PRKAR1B: variants seen among roughly 807,000 people sequenced by gnomAD.
PRKAR1B encodes the protein protein kinase cAMP-dependent type I regulatory subunit beta.
A neutral mutation model predicts 46.5 loss-of-function variants in PRKAR1B; 22 were observed. That is an observed-to-expected ratio of 0.47 (90% CI 0.34 to 0.68). The LOEUF (loss-of-function observed/expected upper bound fraction) is 0.68. Among genes scored for constraint, PRKAR1B ranks in the 30% least tolerant of loss-of-function variants. PRKAR1B has a pLI of 0.01. For synonymous variants in PRKAR1B, 259 were observed against 217.7 expected, an observed-to-expected ratio of 1.19 and a Z score of -1.67; for missense variants, 445 against 535.6, an observed-to-expected ratio of 0.83 and a Z score of 1.67.
chr7:726,856 C>G, intron 1 of PRKAR1B: 2 of 1,317,942 alleles, frequency 1.5e-6, no homozygotes, highest in Non-Finnish European at 1.9e-6. Context: ...CAAGCCGGGC[C>G]GGCGGCGCGC....
intron 4 of PRKAR1B, among the ~76,000 whole-genome samples, chr7:632,305 G>A (rs1172363540): frequency 1.3e-5 from 2 of 152,138 alleles, no homozygotes; most frequent in African/African-American, 2.4e-5. Context: ...CTCAAGGGGC[G>A]TGGAGACCAC....
chr7:582,995 A>G (rs917658772), intron 8 of PRKAR1B, among the ~76,000 whole-genome samples: 1 of 152,162 alleles, frequency 6.6e-6, no homozygotes, highest in Admixed American at 6.5e-5. Context: ...TTCCATTCCC[A>G]CGAAACGTCC....
At chr7:696,365 G>T (rs1278633100) in intron 2 of PRKAR1B, among the ~76,000 whole-genome samples, 2 of 151,960 alleles carry the variant, frequency 1.3e-5, no homozygotes, top group East Asian at 1.9e-4. Context: ...TCCGCCTCAA[G>T]GCTTCAAGCA....
chr7:656,909 A>G (rs1229177688), intron 4 of PRKAR1B, among the ~76,000 whole-genome samples: 1 of 146,132 alleles, frequency 6.8e-6, no homozygotes, highest in African/African-American at 2.6e-5. Flanking sequence ...GCATGGATGG[A>G]CGGACGGATG....
intron 9 of PRKAR1B, among the ~76,000 whole-genome samples, chr7:577,588 C>T (rs1779933613): frequency 6.6e-6 from 1 of 152,054 alleles, no homozygotes; most frequent in Non-Finnish European, 1.5e-5. Flanking sequence ...GGAGGGGGTT[C>T]CTCTCAGGGA....
At chr7:609,018 C>CG (rs1386771837) in intron 4 of PRKAR1B, among the ~76,000 whole-genome samples, 58 of 32,368 alleles carry the variant, frequency 1.8e-3, no homozygotes, top group African/African-American at 5.7e-3. Context: ...TAGGGAGGGC[C>CG]GGGGGGCCTC....
intron 4 of PRKAR1B, among the ~76,000 whole-genome samples, chr7:652,737 C>T (rs1240048377): frequency 6.6e-6 from 1 of 152,220 alleles, no homozygotes; most frequent in Non-Finnish European, 1.5e-5. Flanking sequence ...AGATTTGGAG[C>T]CAGAGACAAT....
At chr7:568,202 C>G (rs1779289116) in intron 9 of PRKAR1B, among the ~76,000 whole-genome samples, 1 of 152,180 alleles carries the variant, frequency 6.6e-6, no homozygotes, top group Non-Finnish European at 1.5e-5. Flanking sequence ...TGCCGCTAAG[C>G]ACCCCCTCGG....
At chr7:553,544 G>A (rs1036206305) in intron 9 of PRKAR1B, among the ~76,000 whole-genome samples, 1 of 152,212 alleles carries the variant, frequency 6.6e-6, no homozygotes, top group Non-Finnish European at 1.5e-5. Flanking sequence ...GCACCATCCG[G>A]GTACCCAGGG....
intron 2 of PRKAR1B, among the ~76,000 whole-genome samples, chr7:701,171 G>C (rs1181216579): frequency 1.3e-5 from 2 of 150,124 alleles, no homozygotes; most frequent in Non-Finnish European, 3.0e-5. Context: ...CTGGGCAAGA[G>C]AGCGAGACTC....
chr7:572,689 C>T (rs562103983), intron 9 of PRKAR1B, among the ~76,000 whole-genome samples: 1 of 152,224 alleles, frequency 6.6e-6, no homozygotes, highest in African/African-American at 2.4e-5. Flanking sequence ...ACTGGGCCAG[C>T]CCTCACTGGC....
chr7:683,989 C>A (rs914038021), intron 2 of PRKAR1B, among the ~76,000 whole-genome samples: 3 of 150,544 alleles, frequency 2.0e-5, no homozygotes, highest in Non-Finnish European at 3.0e-5. Context: ...ATGCCCACTT[C>A]TGCATATGCC....
chr7:669,740 G>C (rs1786121654), intron 4 of PRKAR1B, among the ~76,000 whole-genome samples: 1 of 148,174 alleles, frequency 6.7e-6, no homozygotes, highest in Admixed American at 6.8e-5. Context: ...CTCCAGCCTG[G>C]GTGACAGAGT....
intron 9 of PRKAR1B, among the ~76,000 whole-genome samples, chr7:563,905 G>A (rs965213713): frequency 1.7e-4 from 26 of 152,076 alleles, no homozygotes; most frequent in African/African-American, 5.3e-4. Flanking sequence ...GTGTGCACAC[G>A]TGTGCATGGG....
intron 4 of PRKAR1B, among the ~76,000 whole-genome samples, chr7:623,632 C>T (rs1783228335): frequency 1.3e-5 from 2 of 152,188 alleles, no homozygotes; most frequent in South Asian, 4.1e-4. Flanking sequence ...TCCTCTCGGT[C>T]ATTTTCCATC....
At chr7:630,970 A>T (rs1192291750) in intron 4 of PRKAR1B, among the ~76,000 whole-genome samples, 7 of 129,520 alleles carry the variant, frequency 5.4e-5, no homozygotes, top group Admixed American at 3.0e-4. Context: ...TTTTTTTTTT[A>T]AAGACAGAGT....
At chr7:679,768 G>C (rs1221681071) in intron 3 of PRKAR1B, among the ~76,000 whole-genome samples, 4 of 152,184 alleles carry the variant, frequency 2.6e-5, no homozygotes, top group African/African-American at 4.8e-5. Flanking sequence ...AACCAGCCAT[G>C]CTATGGTATT....
intron 4 of PRKAR1B, among the ~76,000 whole-genome samples, chr7:663,566 A>G (rs1035396864): frequency 2.4e-5 from 3 of 125,938 alleles, no homozygotes; most frequent in Non-Finnish European, 5.4e-5. Context: ...GGTCCCTACT[A>G]GAAAAGAAAA....
At chr7:668,195 A>G (rs796251382) in intron 4 of PRKAR1B, among the ~76,000 whole-genome samples, 4 of 152,356 alleles carry the variant, frequency 2.6e-5, no homozygotes, top group African/African-American at 7.2e-5. Flanking sequence ...AGAGAAGAAG[A>G]GCAGGCAGCC....
Sources: allele counts gnomAD v4.1 joint callset (sites outside exome capture counted in the v4.1 genomes callset), GRCh38; gene constraint gnomAD v4.1.1; transcripts MANE v1.5; gene names NCBI Gene and HGNC (gene_info 2026-07-23, HGNC 2026-07-21).